RNF213: variants seen among roughly 807,000 people sequenced by gnomAD.
The protein encoded by RNF213 is ring finger protein 213.
RNF213 carries 341 observed loss-of-function variants against 514.4 expected under a neutral mutation model. That is an observed-to-expected ratio of 0.66 (90% CI 0.61 to 0.73). The LOEUF (loss-of-function observed/expected upper bound fraction) is 0.73. RNF213 is among the 30% of genes least tolerant of loss of function. The pLI is 0.00. For missense variants in RNF213, 5,767 were observed against 6,615.6 expected (o/e 0.87, Z 4.45); for synonymous variants, 2,655 against 2,658.2 (o/e 1.00, Z 0.04).
At chr17:80,336,876 G>C (rs147067083) in intron 23 of RNF213, 5,656 of 208,930 alleles carry the variant, frequency 0.027, 131 homozygotes, top group Non-Finnish European at 0.04. Context: ...ACTCCAGCCT[G>C]AGTGACAAAG....
intron 13 of RNF213, 138 bp downstream of exon 13, chr17:80,307,339 T>C: frequency 1.5e-6 from 1 of 663,492 alleles, no homozygotes; most frequent in Non-Finnish European, 2.7e-6. Context: ...ACTTCTCTTC[T>C]CAGGTTATTA....
intron 17 of RNF213, chr17:80,320,090 TCA>T: frequency 1.2e-6 from 1 of 861,252 alleles, no homozygotes; most frequent in Non-Finnish European, 1.4e-6. Context: ...TTTGGGGTAG[TCA>T]CAGATATGTA....
intron 67 of RNF213, among the ~76,000 whole-genome samples, chr17:80,391,933 AT>A (rs1344196070): frequency 3.3e-5 from 5 of 151,168 alleles, no homozygotes; most frequent in African/African-American, 4.9e-5. Flanking sequence ...TGCCCGGCTA[AT>A]TTTTTTGTAC....
rs753314456 is a variant in RNF213, at chr17:80,345,156, C to G, written c.6821C>G (p.Pro2274Arg). The G allele has an allele frequency of 6.2e-6, 10 of 1,614,040 alleles. No individual in the cohort carries two copies. The Admixed American group carries it at 1.3e-4, about 22-fold the overall frequency. ...TCACTCCACACCTCTGACCAAAGCCCGGGGAAGCACATGGTCACCATGGAT... is the reference window on the plus strand; with the variant it reads ...TCACTCCACACCTCTGACCAAAGCCGGGGGAAGCACATGGTCACCATGGAT... ...TPSLHTSDQS[P>R]GKHMVTMDGV... is the part of the protein sequence containing the mutation. Residue 2274 changes from proline to arginine, a missense_variant, in exon 29 of 68, where the codon CCG becomes CGG. Pro to Arg is a moderately radical substitution (Grantham distance 103). This residue lies in a region of RNF213 where 1,377 missense variants were observed against 1,635.2 expected (regional missense o/e 0.84). Transcript: ENST00000582970. This position sits in a 1 kb window ranked among gnomAD's most constrained non-coding sequence, Gnocchi z 6.0.
At chr17:80,375,702 C>CA (rs1053274096) in intron 50 of RNF213, 58 bp from the exon 51 acceptor site, 13,528 of 1,040,132 alleles carry the variant, frequency 0.013, 2 homozygotes, top group Non-Finnish European at 0.016. Context: ...GACTCCATCT[C>CA]AAAAAAAAAA....
intron 49 of RNF213, among the ~76,000 whole-genome samples, chr17:80,373,951 C>T (rs553748092): frequency 7.0e-6 from 1 of 142,618 alleles, no homozygotes; most frequent in South Asian, 2.2e-4. Flanking sequence ...TGCAGTGAGC[C>T]GAGATTGCAC....
At position 80,346,262 on chromosome 17, in the gene RNF213, C is replaced by T. The variant is rs761034987; in HGVS notation, c.7927C>T (p.Arg2643Cys). ...CTTTGTCAGCCTCAGGGACGTGGAGCGCTGTGTGAAAGTTTTCAGGTGGTT... is the reference window on the plus strand; with the variant it reads ...CTTTGTCAGCCTCAGGGACGTGGAGTGCTGTGTGAAAGTTTTCAGGTGGTT... ...CSFVSLRDVE[R>C]CVKVFRWFHE... Residue 2643 changes from arginine to cysteine, a missense_variant, in exon 29 of 68, where the codon CGC becomes TGC. Arg to Cys is a radical substitution (Grantham distance 180). Around this residue, in one of 13 missense-constraint regions of RNF213, gnomAD observed 1,377 missense variants for 1,635.2 expected, o/e 0.84. Coordinates refer to ENST00000582970, the MANE Select transcript of RNF213 (RefSeq NM_001256071.3). This position sits in a 1 kb window ranked among gnomAD's most constrained non-coding sequence, Gnocchi z 8.1. 1.7e-5 allele frequency: 27 copies of T among 1,614,002 alleles called. No homozygotes were observed. The highest frequency in any genetic ancestry group is 6.6e-5 in the South Asian group (6 of 91,072).
At chr17:80,314,161 A>T (rs1239672888) in intron 15 of RNF213, among the ~76,000 whole-genome samples, 20 of 90,400 alleles carry the variant, frequency 2.2e-4, no homozygotes, top group African/African-American at 1.0e-3. Context: ...GTGGTGGTGT[A>T]GGTGATGGTG....
chr17:80,381,241 A>G, intron 56 of RNF213: 2 of 602,928 alleles, frequency 3.3e-6, no homozygotes, highest in Admixed American at 2.8e-5. Context: ...ATCTGGGAGT[A>G]GAGAGGCTGA....
In RNF213 at chr17:80,383,054, T is replaced by C. The variant is rs772364250; in HGVS notation, c.14054T>C (p.Ile4685Thr). 2 of 1,613,430 alleles carry C rather than the reference T, an allele frequency of 1.2e-6. No homozygotes were observed. The highest frequency in any genetic ancestry group is 2.2e-5 in the South Asian group (2 of 91,070). Residue 4685 changes from isoleucine (I) to threonine (T), a missense_variant, in exon 58 of 68, where the codon ATT (isoleucine) becomes ACT (threonine). Ile to Thr is a moderately conservative substitution (Grantham distance 89). Around this residue, in one of 13 missense-constraint regions of RNF213, gnomAD observed 1,245 missense variants for 1,339.0 expected, o/e 0.93. Coordinates refer to ENST00000582970, the MANE Select transcript of RNF213 (RefSeq NM_001256071.3). ...NNWEKEIAAV[I>T]SPELEHLDKT... is the part of the protein sequence containing the mutation. ...TGGGAAAAGGAAATCGCAGCTGTGA[T>C]TTCTCCTGAACTGGAGGTAAGCAGT...
At chr17:80,274,942 TGTGTGAGTGGGGGGTGTGTGTGTTGGG>T (rs2043990907) in intron 3 of RNF213, among the ~76,000 whole-genome samples, 1 of 28,684 alleles carries the variant, frequency 3.5e-5, no homozygotes, top group Non-Finnish European at 6.1e-5. Context: ...GTGTGTTGGG[TGTGTGAGTGGGGGGTGTGTGTGTTGGG>T]GTGTGTGTGT....
chr17:80,372,759 C>CT (rs1568150595), intron 48 of RNF213, 25 bp downstream of exon 48: 3 of 1,608,276 alleles, frequency 1.9e-6, no homozygotes, highest in African/African-American at 2.7e-5. Flanking sequence ...CCTTGCTTTC[C>CT]TTTGGGTTTA....
Position 80,263,329 on chromosome 17 carries a change from G to A in RNF213, c.-108-245G>A, listed in dbSNP as rs900101818. Among the ~76,000 whole-genome samples the A allele has an allele frequency of 1.3e-5, 2 of 152,172 alleles. No individual in the cohort carries two copies. The highest frequency in any genetic ancestry group is 2.9e-5 in the Non-Finnish European group (2 of 68,024). On this transcript the variant is annotated intron_variant, in intron 1 of 67. Transcript: ENST00000582970. This position sits in a 1 kb window ranked among gnomAD's most constrained non-coding sequence, Gnocchi z 4.9. Reference sequence around the variant, plus strand: ...TGCTCAGGGCAGGCCGTGGGACCCTGCCGAACAGCACGTGGCTGCCCCACG... The same window carrying A: ...TGCTCAGGGCAGGCCGTGGGACCCTACCGAACAGCACGTGGCTGCCCCACG...
intron 32 of RNF213, 58 bp downstream of exon 32, chr17:80,351,861 C>G (rs1696284673): frequency 2.9e-6 from 3 of 1,021,724 alleles, no homozygotes; most frequent in Non-Finnish European, 3.0e-6. Flanking sequence ...TTATTTGTAT[C>G]TATTTATTTT....
intron 46 of RNF213, among the ~76,000 whole-genome samples, chr17:80,371,285 A>G (rs2079508506): frequency 6.6e-6 from 1 of 152,272 alleles, no homozygotes; most frequent in African/African-American, 2.4e-5. Context: ...AATAGCCACA[A>G]TCAGCTGCAA....
At position 80,386,327 on chromosome 17, in the gene RNF213, C is replaced by T. The variant is rs368031743; in HGVS notation, c.14617C>T (p.Arg4873Ter). 5.6e-6 allele frequency: 9 copies of T among 1,613,920 alleles called. No homozygotes were observed. The highest frequency in any genetic ancestry group is 3.3e-5 in the Admixed American group (2 of 59,998). The change falls in exon 62 of 68, where the codon CGA becomes TGA. Residue 4873 changes from arginine to a stop codon, truncating the protein, a stop_gained. Transcript: ENST00000582970. LOFTEE classifies it high-confidence loss of function. ...DTEFEILLPR[R>*]RGLGLCATAL... ...TGAGTTTGAGATCCTCTTGCCACGC[C>T]GACGGGGCCTGGGCCTCTGTGCTAC...
At position 80,263,532 on chromosome 17, in the gene RNF213, A is replaced by G; in HGVS notation, c.-108-42A>G. 1 of 717,190 alleles carries G rather than the reference A, an allele frequency of 1.4e-6. No homozygotes were observed. Among genetic ancestry groups the G allele is most frequent in the Non-Finnish European group, 2.5e-6 (1 of 393,656 alleles). 44.4% of individuals were successfully genotyped at this position (717,190 alleles called of 1,614,324 possible). On this transcript the variant is annotated intron_variant, in intron 1 of 67. Coordinates refer to ENST00000582970, the MANE Select transcript of RNF213 (RefSeq NM_001256071.3). The surrounding 1 kb of genome is among the most constrained non-coding windows in gnomAD (Gnocchi z 4.9). ...GCTGTGCTCCTGTTGGGTTTCCATTAACCAGGGGACCAGCTGGGCTGCTGT... is the reference window on the plus strand; with the variant it reads ...GCTGTGCTCCTGTTGGGTTTCCATTGACCAGGGGACCAGCTGGGCTGCTGT...
chr17:80,298,258 G>A, intron 10 of RNF213, 63 bp from the exon 11 acceptor site: 1 of 1,565,762 alleles, frequency 6.4e-7, no homozygotes, highest in Non-Finnish European at 8.7e-7. Context: ...TGGGACTCCA[G>A]ACTCCCAGGG....
chr17:80,336,537 T>A, intron 23 of RNF213, 159 bp downstream of exon 23: 1 of 736,694 alleles, frequency 1.4e-6, no homozygotes, highest in South Asian at 1.5e-5. Context: ...AAATGGAAAT[T>A]CACCATCTTG....
Sources: gnomAD v4.1 joint callset for allele counts (sites outside exome capture counted in the v4.1 genomes callset) on GRCh38, gnomAD v4.1.1 for gene constraint, gnomAD v4.1.1 regional missense constraint, Gnocchi (gnomAD v3.1) non-coding constraint, MANE v1.5 for transcripts, NCBI Gene and HGNC (gene_info 2026-07-23, HGNC 2026-07-21) for gene names.